Variants in FRMPD4 observed in about 807,000 individuals in gnomAD.
The protein encoded by FRMPD4 is FERM and PDZ domain-containing protein 4.
A neutral mutation model predicts 94.1 loss-of-function variants in FRMPD4; 22 were observed. The observed-to-expected ratio is 0.23, with a 90% CI of 0.17 to 0.33. The LOEUF is 0.33. Among genes scored for constraint, FRMPD4 ranks in the 10% least tolerant of loss-of-function variants. FRMPD4 has a pLI of 1.00. For missense variants in FRMPD4, 1,111 were observed against 1,339.9 expected, an observed-to-expected ratio of 0.83 and a Z score of 2.67; for synonymous variants, 631 against 548.6, an observed-to-expected ratio of 1.15 and a Z score of -2.10.
chrX:12,239,851 C>T (rs2057109786), intron 1 of FRMPD4, among the ~76,000 whole-genome samples: 1 of 111,447 alleles, frequency 9.0e-6, no homozygotes, highest in Non-Finnish European at 1.9e-5. Context: ...TAGAGCTCTC[C>T]GGAGTCTCCT....
intron 4 of FRMPD4, among the ~76,000 whole-genome samples, chrX:12,655,149 C>T (rs1028033308): frequency 4.4e-5 from 5 of 112,399 alleles, no homozygotes; most frequent in Non-Finnish European, 7.5e-5. Flanking sequence ...TCTACCCACT[C>T]AGGCACAGGG....
At chrX:12,004,394 C>G (rs1261954618) in intron 3 of FRMPD4, among the ~76,000 whole-genome samples, 1 of 111,734 alleles carries the variant, frequency 8.9e-6, no homozygotes, top group African/African-American at 3.3e-5. Context: ...TTGAACATGG[C>G]CTTTGATCTG....
At chrX:12,481,942 CAAAAAAAAA>C (rs56366427) in intron 1 of FRMPD4, among the ~76,000 whole-genome samples, 54 of 11,575 alleles carry the variant, frequency 4.7e-3, no homozygotes, top group South Asian at 0.022. Context: ...GACTACATCT[CAAAAAAAAA>C]AAAAAAAAAA....
chrX:12,082,542 G>A (rs577101532), intron 3 of FRMPD4, among the ~76,000 whole-genome samples: 2 of 111,604 alleles, frequency 1.8e-5, no homozygotes, highest in Non-Finnish European at 3.8e-5. Context: ...TAGAAGTGGG[G>A]TATTGCTGAA....
intron 3 of FRMPD4, among the ~76,000 whole-genome samples, chrX:12,021,920 A>C (rs1431126556): frequency 8.9e-6 from 1 of 112,633 alleles, no homozygotes; most frequent in Non-Finnish European, 1.9e-5. Context: ...AAGAGCACAG[A>C]GTGAGAGCTG....
rs778929445 is a variant in FRMPD4, at chrX:11,955,566, C to T, written c.95+77548C>T. On this transcript the variant is annotated intron_variant, in intron 3 of 18. Coordinates refer to the FRMPD4 transcript ENST00000640291. ...GGAGATCGAGACCACGGTGAAACCC[C>T]GTCTCTACTAAAAAAATACAAAAAA... 9.1e-5 allele frequency among the ~76,000 whole-genome samples: 10 copies of T among 109,315 alleles called. No homozygotes were observed. In the East Asian group the frequency reaches 2.9e-3, roughly 31 times the overall value. The allele number at this position is 109,315 out of a possible 115,157, so 94.9% of individuals were successfully genotyped here.
intron 3 of FRMPD4, among the ~76,000 whole-genome samples, chrX:12,023,548 G>A (rs1386646394): frequency 8.9e-6 from 1 of 111,918 alleles, no homozygotes; most frequent in Non-Finnish European, 1.9e-5. Context: ...CCTACCACTA[G>A]AATATAACCT....
chrX:12,503,480 T>G (rs184144235), intron 2 of FRMPD4, among the ~76,000 whole-genome samples: 2 of 112,322 alleles, frequency 1.8e-5, no homozygotes, highest in East Asian at 5.6e-4. Context: ...AGATTAGTAA[T>G]GAGATGTGGA....
intron 3 of FRMPD4, among the ~76,000 whole-genome samples, chrX:12,110,046 G>T (rs756285961): frequency 1.2e-4 from 14 of 112,196 alleles, no homozygotes; most frequent in South Asian, 7.4e-4. Flanking sequence ...TAGAAAAAGA[G>T]GGAATCCTCC....
chrX:12,631,665 T>C (rs1189043767), intron 4 of FRMPD4, among the ~76,000 whole-genome samples: 1 of 111,446 alleles, frequency 9.0e-6, no homozygotes, highest in Non-Finnish European at 1.9e-5. Context: ...TGTTCAGCAC[T>C]GTACCTGAAG....
At chrX:12,522,717 C>G (rs1366125599) in intron 2 of FRMPD4, among the ~76,000 whole-genome samples, 1 of 108,162 alleles carries the variant, frequency 9.2e-6, no homozygotes, top group Non-Finnish European at 1.9e-5. Context: ...ATTTTCCCAC[C>G]TCAGCCTCCC....
chrX:12,158,023 A>T (rs964466878), intron 1 of FRMPD4, among the ~76,000 whole-genome samples: 2 of 112,242 alleles, frequency 1.8e-5, no homozygotes, highest in Non-Finnish European at 3.8e-5. Flanking sequence ...ATCAGAAGAA[A>T]GGAGGGGGAA....
intron 1 of FRMPD4, among the ~76,000 whole-genome samples, chrX:12,165,677 T>C (rs1268909476): frequency 9.8e-5 from 11 of 111,742 alleles, no homozygotes; most frequent in South Asian, 7.6e-4. Context: ...TCTTCCTACC[T>C]ATGAGCATGG....
chrX:12,389,739 TA>T (rs1246116215), intron 1 of FRMPD4, among the ~76,000 whole-genome samples: 3 of 111,876 alleles, frequency 2.7e-5, no homozygotes, highest in Non-Finnish European at 5.6e-5. Context: ...GAATTGTAAA[TA>T]CTATTATTTT....
intron 1 of FRMPD4, among the ~76,000 whole-genome samples, chrX:12,487,988 T>TA (rs1287866611): frequency 2.7e-5 from 3 of 112,374 alleles, no homozygotes; most frequent in Non-Finnish European, 1.9e-5. Flanking sequence ...ATATAACCCA[T>TA]TAAAAATATT....
Position 12,552,569 on chromosome X carries a change from C to T in FRMPD4, c.158+53773C>T, listed in dbSNP as rs949096357. 6.3e-5 allele frequency among the ~76,000 whole-genome samples: 7 copies of T among 111,941 alleles called. No individual in the cohort carries two copies. In the Admixed American group the frequency reaches 6.6e-4, roughly 11 times the overall value. On this transcript the variant is annotated intron_variant, in intron 2 of 16. Transcript: ENST00000675598. ...AGGGATGTTTATTCAAATTGCCATG[C>T]TTCAAATTCACTTGAAATGTTTCCT... is the stretch of plus-strand genomic sequence containing the variant.
chrX:12,413,121 A>G (rs759157915), intron 1 of FRMPD4, among the ~76,000 whole-genome samples: 7 of 111,726 alleles, frequency 6.3e-5, no homozygotes, highest in Admixed American at 5.7e-4. Context: ...TGCATCTCGG[A>G]GGGATTTTTC....
chrX:12,267,619 AT>A (rs199547190), intron 1 of FRMPD4, among the ~76,000 whole-genome samples: 9,731 of 112,520 alleles, frequency 0.086, 349 homozygotes, highest in South Asian at 0.13. Flanking sequence ...TCGCTTGAAT[AT>A]TTTGGAGTCT....
chrX:12,428,967 A>G (rs2148103497), intron 1 of FRMPD4, among the ~76,000 whole-genome samples: 1 of 111,558 alleles, frequency 9.0e-6, no homozygotes, highest in East Asian at 2.8e-4. Context: ...GATAGACTTC[A>G]CTGTGGGATA....
Sources: gnomAD v4.1 joint callset for allele counts (sites outside exome capture counted in the v4.1 genomes callset) on GRCh38, gnomAD v4.1.1 for gene constraint, MANE v1.5 for transcripts, NCBI Gene and HGNC (gene_info 2026-07-23, HGNC 2026-07-21) for gene names.